The following NEMP2 variants were observed in gnomAD, a reference collection of about 807,000 sequenced individuals.
NEMP2 encodes nuclear envelope integral membrane protein 2.
In NEMP2, 53 loss-of-function variants were observed where a neutral mutation model predicts 54.2. The observed-to-expected ratio is 0.98, with a 90% confidence interval of 0.78 to 1.23. The LOEUF (loss-of-function observed/expected upper bound fraction) is 1.23, where lower values mean the gene tolerates loss of function less well. Ranked by LOEUF, NEMP2 falls within the 50% of genes most tolerant of loss-of-function variation. The pLI, the probability that NEMP2 is intolerant of heterozygous loss-of-function variation, is 0.00. For synonymous variants in NEMP2, 197 were observed against 190.3 expected (o/e 1.04, Z -0.29); for missense variants, 455 against 511.3 (o/e 0.89, Z 1.06).
the NEMP2 span, among the ~76,000 whole-genome samples, chr2:190,470,605 A>G: frequency 6.6e-6 from 1 of 152,238 alleles, no homozygotes; most frequent in Admixed American, 6.5e-5. Context: ...CTACTAAATC[A>G]TTAATTGCAC....
At chr2:190,576,207 G>A in the NEMP2 span, among the ~76,000 whole-genome samples, 1 of 152,128 alleles carries the variant, frequency 6.6e-6, no homozygotes, top group Non-Finnish European at 1.5e-5. Flanking sequence ...CTGGTCTCAA[G>A]CAATCCTTCT....
At chr2:190,435,489 T>C in the NEMP2 span, among the ~76,000 whole-genome samples, 2 of 152,246 alleles carry the variant, frequency 1.3e-5, no homozygotes, top group Admixed American at 6.5e-5. Context: ...TGCCATCGGC[T>C]TCCTCTTTCT....
intron 2 of NEMP2, among the ~76,000 whole-genome samples, chr2:190,524,335 G>C (rs1199548654): frequency 6.6e-6 from 1 of 151,936 alleles, no homozygotes; most frequent in Non-Finnish European, 1.5e-5. Context: ...ATGAGGAAGA[G>C]GTTATCTACA....
At chr2:190,433,337 G>A in the NEMP2 span, 1 of 152,180 alleles carries the variant, frequency 6.6e-6, no homozygotes, top group Non-Finnish European at 1.5e-5. The surrounding 1 kb of genome is among the most constrained non-coding windows in gnomAD (Gnocchi z 4.5). Context: ...ATGATGAAAT[G>A]GAATTGGAGC....
chr2:190,425,512 C>G, the NEMP2 span, among the ~76,000 whole-genome samples: 1 of 152,128 alleles, frequency 6.6e-6, no homozygotes, highest in African/African-American at 2.4e-5. This position sits in a 1 kb window ranked among gnomAD's most constrained non-coding sequence, Gnocchi z 4.3. Flanking sequence ...CCCCTCTGTT[C>G]TTAGTTTTCT....
Position 190,534,677 on chromosome 2 carries a change from G to A in NEMP2, c.-22C>T, listed in dbSNP as rs569000268. On this transcript the variant is annotated 5_prime_UTR_variant, in exon 1 of 9. Coordinates refer to ENST00000409150, the MANE Select transcript of NEMP2 (RefSeq NM_001142645.2). ...CCATTTCGTTAGGGGTCAGCTCCGT[G>A]CGACCCGAGCCCTAGGGGACCGGCT... is the stretch of plus-strand genomic sequence containing the variant. The A allele has an allele frequency of 1.3e-4, 160 of 1,261,026 alleles. No homozygotes were observed. In the African/African-American group the frequency reaches 2.3e-3, roughly 18 times the overall value. 78.1% of individuals were successfully genotyped at this position (1,261,026 alleles called of 1,614,324 possible). A position where few individuals can be genotyped will look rare whatever the true frequency, so the allele number is the denominator to read the frequency against.
chr2:190,589,565 G>T, the NEMP2 span, among the ~76,000 whole-genome samples: 2 of 152,146 alleles, frequency 1.3e-5, no homozygotes, highest in Non-Finnish European at 2.9e-5. This position sits in a 1 kb window ranked among gnomAD's most constrained non-coding sequence, Gnocchi z 4.3. Context: ...AATGTCACTG[G>T]TTCTACAAGG....
chr2:190,543,853 C>T, the NEMP2 span, among the ~76,000 whole-genome samples: 1 of 152,202 alleles, frequency 6.6e-6, no homozygotes, highest in African/African-American at 2.4e-5. The surrounding 1 kb of genome is among the most constrained non-coding windows in gnomAD (Gnocchi z 4.7). Flanking sequence ...TTTTTTATTT[C>T]TATGGTTCTT....
the NEMP2 span, among the ~76,000 whole-genome samples, chr2:190,494,350 G>A: frequency 8.6e-5 from 13 of 151,972 alleles, no homozygotes; most frequent in African/African-American, 3.1e-4. The surrounding 1 kb of genome is among the most constrained non-coding windows in gnomAD (Gnocchi z 5.7). Context: ...GACTGAATCA[G>A]TAATAAAAAA....
chr2:190,449,347 ACT>A, the NEMP2 span, among the ~76,000 whole-genome samples: 1 of 151,940 alleles, frequency 6.6e-6, no homozygotes, highest in Non-Finnish European at 1.5e-5. Context: ...GGTGGCGGGC[ACT>A]TGTAGTCCCA....
chr2:190,631,517 A>G, the NEMP2 span, among the ~76,000 whole-genome samples: 1 of 152,358 alleles, frequency 6.6e-6, no homozygotes, highest in African/African-American at 2.4e-5. Context: ...ACCAAAGAGC[A>G]TATGTTATAT....
In NEMP2 at chr2:190,506,304, C is replaced by T. The variant is rs1270658082; in HGVS notation, c.*2885G>A. ...CTGTCTTCCTGCAGGTGTCTTCAAA[C>T]TTCCACATCCATTATGTTGTCTATC... On this transcript the variant is annotated 3_prime_UTR_variant, in exon 9 of 9. Coordinates refer to ENST00000409150, the MANE Select transcript of NEMP2 (RefSeq NM_001142645.2). The surrounding 1 kb of genome is among the most constrained non-coding windows in gnomAD (Gnocchi z 6.3). 1 of 152,198 alleles carries T rather than the reference C, an allele frequency of 6.6e-6. No individual in the cohort carries two copies. Among genetic ancestry groups the T allele is most frequent in the African/African-American group, 2.4e-5 (1 of 41,474 alleles). The allele number at this position is 152,198 out of a possible 1,614,324, so 9.4% of individuals were successfully genotyped here.
the NEMP2 span, among the ~76,000 whole-genome samples, chr2:190,429,923 T>C: frequency 2.6e-5 from 4 of 152,144 alleles, no homozygotes; most frequent in Admixed American, 2.0e-4. Flanking sequence ...TGTATACATG[T>C]GCCATGTTGG....
At chr2:190,540,473 A>G in the NEMP2 span, among the ~76,000 whole-genome samples, 6 of 152,082 alleles carry the variant, frequency 3.9e-5, no homozygotes, top group Admixed American at 1.3e-4. Flanking sequence ...TATGTTTGGT[A>G]GAGATAGGGT....
chr2:190,556,174 A>T, the NEMP2 span, among the ~76,000 whole-genome samples: 1 of 152,190 alleles, frequency 6.6e-6, no homozygotes, highest in Non-Finnish European at 1.5e-5. Context: ...TGGTTCAACA[A>T]ACACAAATCA....
the NEMP2 span, among the ~76,000 whole-genome samples, chr2:190,440,945 C>T: frequency 6.6e-6 from 1 of 152,156 alleles, no homozygotes; most frequent in East Asian, 1.9e-4. Flanking sequence ...AGATGCTGGG[C>T]TTCAGCACAG....
At chr2:190,544,721 C>T in the NEMP2 span, among the ~76,000 whole-genome samples, 1 of 151,934 alleles carries the variant, frequency 6.6e-6, no homozygotes, top group Admixed American at 6.6e-5. Flanking sequence ...CAAAGTTGAA[C>T]AAATACAGTG....
chr2:190,449,397 T>C, the NEMP2 span, among the ~76,000 whole-genome samples: 4 of 151,846 alleles, frequency 2.6e-5, no homozygotes. Context: ...TCACTTGAAC[T>C]TGGGAGATGG....
At chr2:190,437,279 C>T in the NEMP2 span, 2 of 1,614,056 alleles carry the variant, frequency 1.2e-6, no homozygotes, top group South Asian at 1.1e-5. This position sits in a 1 kb window ranked among gnomAD's most constrained non-coding sequence, Gnocchi z 5.9. Context: ...AACAACTCTA[C>T]AGAGTCCTCT....
Sources: allele counts gnomAD v4.1 joint callset (sites outside exome capture counted in the v4.1 genomes callset), GRCh38; gene constraint gnomAD v4.1.1; non-coding constraint Gnocchi (gnomAD v3.1); transcripts MANE v1.5; gene names NCBI Gene and HGNC (gene_info 2026-07-23, HGNC 2026-07-21).